The following BNC2 variants were observed in gnomAD, a reference collection of about 807,000 sequenced individuals.
The protein encoded by BNC2 is basonuclin zinc finger protein 2.
Under a neutral mutation model 76.3 loss-of-function variants are expected in BNC2, and 20 were observed. The observed-to-expected ratio is 0.26, with a 90% CI of 0.18 to 0.38. BNC2 has a LOEUF of 0.38. Ranked by LOEUF, BNC2 falls within the 10% of genes least tolerant of loss-of-function variation. The pLI, the probability that BNC2 is intolerant of heterozygous loss-of-function variation, is 1.00. For missense variants in BNC2, 1,382 were observed against 1,399.8 expected (o/e 0.99, Z 0.20); for synonymous variants, 582 against 514.8 (o/e 1.13, Z -1.77).
At chr9:16,764,098 C>A (rs943608587) in intron 1 of BNC2, among the ~76,000 whole-genome samples, 4 of 152,208 alleles carry the variant, frequency 2.6e-5, no homozygotes, top group Non-Finnish European at 5.9e-5. Flanking sequence ...TCTTTCCCAC[C>A]CACACAAAAG....
chr9:16,655,027 G>A (rs1043509698), intron 3 of BNC2, among the ~76,000 whole-genome samples: 8 of 151,802 alleles, frequency 5.3e-5, no homozygotes, highest in African/African-American at 1.7e-4. Flanking sequence ...AATAACTGTG[G>A]TTTAACAACA....
At chr9:16,509,067 C>T (rs945982726) in intron 5 of BNC2, among the ~76,000 whole-genome samples, 2 of 152,054 alleles carry the variant, frequency 1.3e-5, no homozygotes, top group Admixed American at 1.3e-4. Flanking sequence ...TGGCCTCAAA[C>T]TCCTTCCCTC....
chr9:16,790,356 T>C (rs1195990865), intron 1 of BNC2, among the ~76,000 whole-genome samples: 3 of 152,214 alleles, frequency 2.0e-5, no homozygotes, highest in Non-Finnish European at 4.4e-5. Context: ...TTTAATTTTT[T>C]TGTCAAAACA....
intron 1 of BNC2, among the ~76,000 whole-genome samples, chr9:16,772,884 G>A (rs1440412338): frequency 6.6e-6 from 1 of 152,138 alleles, no homozygotes; most frequent in Non-Finnish European, 1.5e-5. Context: ...AACAACACAA[G>A]GGAAATCTTG....
chr9:16,776,095 C>A (rs1305594493), intron 1 of BNC2, among the ~76,000 whole-genome samples: 1 of 152,076 alleles, frequency 6.6e-6, no homozygotes, highest in Non-Finnish European at 1.5e-5. Context: ...TATTACCTAC[C>A]CCTCAAGTTT....
chr9:16,610,105 T>A (rs1418698299), intron 3 of BNC2, among the ~76,000 whole-genome samples: 1 of 148,654 alleles, frequency 6.7e-6, no homozygotes, highest in Non-Finnish European at 1.5e-5. Flanking sequence ...AATATAGATA[T>A]CACACAATGC....
intron 3 of BNC2, among the ~76,000 whole-genome samples, chr9:16,598,042 A>G (rs1214838974): frequency 6.6e-6 from 1 of 152,124 alleles, no homozygotes; most frequent in Admixed American, 6.6e-5. Context: ...TAAGAACCAT[A>G]TACTGTAATA....
chr9:16,552,643 G>C lies in BNC2; in HGVS notation c.556C>G (p.Leu186Val), dbSNP rs781698141. 1.2e-6 allele frequency: 2 copies of C among 1,614,200 alleles called. No homozygotes were observed. Among genetic ancestry groups the C allele is most frequent in the East Asian group, 2.2e-5 (1 of 44,868 alleles). The change falls in exon 5 of 7, where the codon CTA becomes GTA. Residue 186 changes from leucine (L) to valine (V), a missense_variant. Transcript: ENST00000380672. ...LYGTQAVPVR[L>V]KILLDRLFSV... ...AAGAGACGGTCCAGCAGGATCTTTA[G>C]CCGCACAGGCACTGCTTGTGTCCCA...
chr9:16,710,111 A>C (rs923621278), intron 3 of BNC2, among the ~76,000 whole-genome samples: 7 of 127,296 alleles, frequency 5.5e-5, no homozygotes, highest in Non-Finnish European at 1.1e-4. Flanking sequence ...ATGATGGGCA[A>C]CGTTCAACAT....
Position 16,727,894 on chromosome 9 carries a change from G to C in BNC2, c.233C>G (p.Ser78Cys). The C allele has an allele frequency of 6.2e-7, 1 of 1,614,160 alleles. No individual in the cohort carries two copies. Among genetic ancestry groups the C allele is most frequent in the Non-Finnish European group, 8.5e-7 (1 of 1,180,026 alleles). ...LTLRDSCTDN[S>C]MQFGTRTTTA... The stretch of plus-strand genomic sequence containing the variant: ...AGTCGTTCTGGTTCCGAACTGCATG[G>C]AGTTGTCAGTACAGGAGTCTCTTAA... Residue 78 changes from serine to cysteine, a missense_variant, in exon 3 of 7, where the codon TCC becomes TGC. Physicochemically the swap from Ser to Cys is moderately radical, Grantham distance 112 (BLOSUM62 -1). Coordinates refer to ENST00000380672, the MANE Select transcript of BNC2 (RefSeq NM_017637.6).
At chr9:16,812,801 TAAAAATAAAAC>T (rs1261426005) in intron 1 of BNC2, among the ~76,000 whole-genome samples, 1 of 152,112 alleles carries the variant, frequency 6.6e-6, no homozygotes, top group Admixed American at 6.6e-5. Context: ...AAAAATAAAA[TAAAAATAAAAC>T]TGCTAATTAA....
chr9:16,790,557 G>A (rs922443945), intron 1 of BNC2, among the ~76,000 whole-genome samples: 8 of 152,100 alleles, frequency 5.3e-5, no homozygotes, highest in Admixed American at 3.3e-4. Flanking sequence ...TCCATGCCTT[G>A]GTAGATAGGT....
At chr9:16,572,342 A>C in intron 4 of BNC2, among the ~76,000 whole-genome samples, 1 of 152,242 alleles carries the variant, frequency 6.6e-6, no homozygotes, top group East Asian at 1.9e-4. Context: ...CTGGAAAAGA[A>C]AAACGCACAA....
Position 16,568,702 on chromosome 9 carries a change from A to G in BNC2, c.433+14281T>C, listed in dbSNP as rs566329998. Among the ~76,000 whole-genome samples the G allele has an allele frequency of 6.6e-5, 10 of 152,300 alleles. No homozygotes were observed. In the East Asian group the frequency reaches 1.7e-3, roughly 26 times the overall value. On this transcript the variant is annotated intron_variant, in intron 4 of 6. Transcript: ENST00000380672. Reference sequence around the variant, plus strand: ...CTCTTAGATTGTAAGCTAGATCCTAATAAAAGCCTTAACACTTGGGGAGAA... The same window carrying G: ...CTCTTAGATTGTAAGCTAGATCCTAGTAAAAGCCTTAACACTTGGGGAGAA...
At chr9:16,685,417 A>G in intron 3 of BNC2, 1 of 455,406 alleles carries the variant, frequency 2.2e-6, no homozygotes, top group South Asian at 1.8e-5. Context: ...CATACGCTAC[A>G]CTGGTTCCTC....
At chr9:16,618,306 G>A (rs930169492) in intron 3 of BNC2, among the ~76,000 whole-genome samples, 5 of 152,152 alleles carry the variant, frequency 3.3e-5, no homozygotes, top group African/African-American at 1.2e-4. Context: ...TTTAGCTCTA[G>A]AGCTATTCTA....
chr9:16,689,403 G>A (rs548665624), intron 3 of BNC2, among the ~76,000 whole-genome samples: 4 of 152,242 alleles, frequency 2.6e-5, no homozygotes, highest in East Asian at 1.9e-4. Context: ...TGCAGAGCCA[G>A]GGTCCACTTG....
intron 3 of BNC2, among the ~76,000 whole-genome samples, chr9:16,686,279 A>G (rs1292378424): frequency 1.3e-5 from 2 of 152,178 alleles, no homozygotes; most frequent in South Asian, 2.1e-4. Flanking sequence ...ATGTTTCTCT[A>G]TATCTAAAAT....
At chr9:16,465,047 C>T (rs184403541) in intron 5 of BNC2, among the ~76,000 whole-genome samples, 25 of 152,272 alleles carry the variant, frequency 1.6e-4, no homozygotes, top group Non-Finnish European at 2.9e-4. Context: ...GTAATGGCTC[C>T]CTGTCTTCCA....
Sources: gnomAD v4.1 joint callset for allele counts (sites outside exome capture counted in the v4.1 genomes callset) on GRCh38, gnomAD v4.1.1 for gene constraint, MANE v1.5 for transcripts, NCBI Gene and HGNC (gene_info 2026-07-23, HGNC 2026-07-21) for gene names.